Variants in DYTN observed in about 807,000 individuals in gnomAD.
The protein encoded by DYTN is dystrotelin.
Under a neutral mutation model 69.6 loss-of-function variants are expected in DYTN, and 75 were observed. The ratio of observed to expected loss-of-function variants is 1.08; its 90% CI spans 0.89 to 1.31. DYTN has a LOEUF of 1.31. DYTN is among the 50% of genes most tolerant of loss of function. DYTN has a pLI of 0.00. For missense variants in DYTN, 726 were observed against 688.4 expected (o/e 1.05, Z -0.61); for synonymous variants, 252 against 249.1 (o/e 1.01, Z -0.11).
intron 5 of DYTN, among the ~76,000 whole-genome samples, chr2:206,703,032 G>A (rs1273354322): frequency 6.6e-5 from 10 of 152,128 alleles, no homozygotes; most frequent in African/African-American, 2.2e-4. Context: ...CAGTCAATGG[G>A]ATGATAATTT....
Position 206,705,725 on chromosome 2 carries a change from A to T in DYTN, c.382+63T>A, listed in dbSNP as rs544019810. The T allele has an allele frequency of 3.0e-4, 442 of 1,483,038 alleles. 4 individuals are homozygous for T. The South Asian group carries it at 3.0e-3, about 10-fold the overall frequency. 91.9% of individuals were successfully genotyped at this position (1,483,038 alleles called of 1,614,324 possible). ...AGAGGCCTTGTGGCAGGGATATAGG[A>T]TAACAGGTTGGGGATTTGGGGCTCA... On this transcript the variant is annotated intron_variant, in intron 4 of 11. Transcript: ENST00000452335.
intron 9 of DYTN, among the ~76,000 whole-genome samples, chr2:206,672,735 C>T (rs1243760884): frequency 6.6e-6 from 1 of 152,208 alleles, no homozygotes; most frequent in Non-Finnish European, 1.5e-5. Flanking sequence ...TCAGACTGTA[C>T]TGATTATGAT....
chr2:206,703,081 C>G (rs1289938027), intron 5 of DYTN, among the ~76,000 whole-genome samples: 1 of 152,148 alleles, frequency 6.6e-6, no homozygotes, highest in African/African-American at 2.4e-5. Flanking sequence ...TTCTCAGGAG[C>G]ATACTGATGC....
chr2:206,718,198 T>C lies in DYTN; in HGVS notation c.19+63A>G, dbSNP rs1377254435. 7.9e-6 allele frequency: 12 copies of C among 1,518,416 alleles called. No homozygotes were observed. The East Asian group carries it at 2.6e-4, about 33-fold the overall frequency. The allele number at this position is 1,518,416 out of a possible 1,614,324, so 94.1% of individuals were successfully genotyped here. ...TCTTCAAATCAGAGGTCTGAAAATA[T>C]AACATCTGTGCCTAATTTTTCTGTT... On this transcript the variant is annotated intron_variant, in intron 1 of 11. Transcript: ENST00000452335.
intron 1 of DYTN, among the ~76,000 whole-genome samples, chr2:206,717,875 T>A (rs796791122): frequency 5.9e-5 from 9 of 152,304 alleles, no homozygotes; most frequent in African/African-American, 2.2e-4. Flanking sequence ...TTCTCCCAAC[T>A]TGAACTACAC....
rs759548052 is a variant in DYTN at position 206,699,907 on chromosome 2, C to A, written c.556-17G>T. On this transcript the variant is annotated splice_polypyrimidine_tract_variant and intron_variant, in intron 6 of 11. Transcript: ENST00000452335. ...GCTCAACACCTGAAAAACAATGGCA[C>A]TCTAAGATGTGTTTTTAGGCACGAC... 1 of 1,606,498 alleles carries A rather than the reference C, an allele frequency of 6.2e-7. No individual in the cohort carries two copies. Among genetic ancestry groups the A allele is most frequent in the Non-Finnish European group, 8.5e-7 (1 of 1,176,462 alleles).
In DYTN at chr2:206,707,414, G is replaced by A; in HGVS notation, c.184C>T (p.Leu62Phe). The stretch of plus-strand genomic sequence containing the variant: ...AACAGCTCTTGGAGTGCCTGAGAAA[G>A]TTGCTGCACAGAAAGGGAGTGCTTG... ...ARKHSLSVQQ[L>F]SQALQELFQK... The change falls in exon 3 of 12, where the codon CTT becomes TTT. Residue 62 changes from leucine to phenylalanine, a missense_variant. Leu to Phe is a conservative substitution (Grantham distance 22, BLOSUM62 0). Transcript: ENST00000452335. 3.1e-6 allele frequency: 5 copies of A among 1,613,368 alleles called. No individual in the cohort carries two copies. The highest frequency in any genetic ancestry group is 4.2e-6 in the Non-Finnish European group (5 of 1,179,728).
chr2:206,713,922 G>A (rs1303046417), intron 1 of DYTN, among the ~76,000 whole-genome samples: 1 of 152,194 alleles, frequency 6.6e-6, no homozygotes, highest in Non-Finnish European at 1.5e-5. Context: ...AGTTAGCAGG[G>A]TGTGCTGGGG....
At chr2:206,698,168 G>C (rs1344474523) in intron 7 of DYTN, among the ~76,000 whole-genome samples, 1 of 151,988 alleles carries the variant, frequency 6.6e-6, no homozygotes, top group East Asian at 1.9e-4. Flanking sequence ...TGTTGTATGA[G>C]GATTTCTTTG....
chr2:206,666,389 AGCT>A (rs1351078613), intron 9 of DYTN, among the ~76,000 whole-genome samples: 2 of 152,218 alleles, frequency 1.3e-5, no homozygotes, highest in African/African-American at 2.4e-5. Context: ...CACCATGTGC[AGCT>A]GCCTTTGTGT....
At chr2:206,666,860 TACACACACACACACACAC>T (rs35200393) in intron 9 of DYTN, among the ~76,000 whole-genome samples, 1 of 137,460 alleles carries the variant, frequency 7.3e-6, no homozygotes, top group Non-Finnish European at 1.6e-5. Flanking sequence ...ACCTCATCTC[TACACACACACACACACAC>T]ACACACACAC....
At position 206,693,196 on chromosome 2, in the gene DYTN, A is replaced by G. The variant is rs1699883650; in HGVS notation, c.959T>C (p.Val320Ala). Residue 320 changes from valine to alanine, a missense_variant, in exon 9 of 12, where the codon GTG becomes GCG. Physicochemically the swap from Val to Ala is moderately conservative, Grantham distance 64. Coordinates refer to ENST00000452335, the MANE Select transcript of DYTN (RefSeq NM_001093730.1). ...QLLDQVNPKG[V>A]PHHAQARLLK... ...TCACCTGGCCTGCGCATGGTGAGGC[A>G]CACCCTTTGGATTCACCTGGTCCAG... 1 of 1,612,276 alleles carries G rather than the reference A, an allele frequency of 6.2e-7. No homozygotes were observed. Among genetic ancestry groups the G allele is most frequent in the South Asian group, 1.1e-5 (1 of 90,980 alleles).
At chr2:206,708,292 TA>T (rs1438043889) in intron 2 of DYTN, among the ~76,000 whole-genome samples, 1 of 152,136 alleles carries the variant, frequency 6.6e-6, no homozygotes, top group Non-Finnish European at 1.5e-5. Context: ...CAGACAAAAT[TA>T]ATAAACAGCC....
intron 11 of DYTN, among the ~76,000 whole-genome samples, chr2:206,661,761 C>T (rs1440593225): frequency 6.6e-6 from 1 of 152,120 alleles, no homozygotes; most frequent in Non-Finnish European, 1.5e-5. Context: ...CAACAGTAGG[C>T]TATTAATAAA....
intron 10 of DYTN, among the ~76,000 whole-genome samples, chr2:206,664,399 G>A (rs995940205): frequency 2.6e-5 from 4 of 152,206 alleles, no homozygotes; most frequent in Non-Finnish European, 5.9e-5. Context: ...GCTCATGTCT[G>A]TAATCCCAGC....
At chr2:206,680,238 C>T (rs1436045725) in intron 9 of DYTN, among the ~76,000 whole-genome samples, 1 of 152,036 alleles carries the variant, frequency 6.6e-6, no homozygotes, top group Non-Finnish European at 1.5e-5. Context: ...AGGGAAACTG[C>T]CCTTTATAAA....
chr2:206,668,628 A>G (rs1350455134), intron 9 of DYTN, among the ~76,000 whole-genome samples: 1 of 152,156 alleles, frequency 6.6e-6, no homozygotes, highest in African/African-American at 2.4e-5. Context: ...TAACTGTTCA[A>G]ATGAAAACAC....
intron 1 of DYTN, among the ~76,000 whole-genome samples, chr2:206,712,971 T>A (rs1226176716): frequency 6.6e-6 from 1 of 152,350 alleles, no homozygotes; most frequent in East Asian, 1.9e-4. Flanking sequence ...CACCCTCTTG[T>A]CAGGCTGTGT....
At position 206,694,858 on chromosome 2, in the gene DYTN, G is replaced by T; in HGVS notation, c.739C>A (p.Leu247Ile). The change falls in exon 8 of 12, where the codon CTC (leucine) becomes ATC (isoleucine). Residue 247 changes from leucine (L) to isoleucine (I), a missense_variant. By Grantham distance (5) the Leu-to-Ile change is conservative. Coordinates refer to ENST00000452335, the MANE Select transcript of DYTN (RefSeq NM_001093730.1). The stretch of plus-strand genomic sequence containing the variant: ...CACATCTGGCAGATGTCAAAGTTGA[G>T]ACACTTCAGACAGCGGTATCTGCCA... ...TGLRYRCLKC[L>I]NFDICQMCFL... is the part of the protein sequence containing the mutation. The T allele has an allele frequency of 6.2e-7, 1 of 1,602,916 alleles. No homozygotes were observed. Among genetic ancestry groups the T allele is most frequent in the Middle Eastern group, 1.7e-4 (1 of 6,008 alleles).
Sources: gnomAD v4.1 joint callset for allele counts (sites outside exome capture counted in the v4.1 genomes callset) on GRCh38, gnomAD v4.1.1 for gene constraint, MANE v1.5 for transcripts, NCBI Gene and HGNC (gene_info 2026-07-23, HGNC 2026-07-21) for gene names.